The following SHD variants were observed in gnomAD, a reference collection of about 807,000 sequenced individuals.
SHD encodes Src homology 2 domain containing transforming protein D.
SHD carries 29 observed loss-of-function variants against 31.2 expected under a neutral mutation model. The ratio of observed to expected loss-of-function variants is 0.93; its 90% CI spans 0.69 to 1.27. The LOEUF is 1.27. SHD is among the 50% of genes most tolerant of loss of function. SHD has a pLI of 0.00. For missense variants in SHD, 520 were observed against 453.8 expected, an observed-to-expected ratio of 1.15 and a Z score of -1.33; for synonymous variants, 208 against 187.8, an observed-to-expected ratio of 1.11 and a Z score of -0.88.
At chr19:4,282,059 C>A (rs1395255628) in intron 1 of SHD, among the ~76,000 whole-genome samples, 4 of 152,120 alleles carry the variant, frequency 2.6e-5, no homozygotes, top group Non-Finnish European at 4.4e-5. Flanking sequence ...CAGAGGGAGA[C>A]GTGGGAAGCC....
At position 4,284,894 on chromosome 19, in the gene SHD, G is replaced by A; in HGVS notation, c.706G>A (p.Glu236Lys). The change falls in exon 4 of 6, where the codon GAG becomes AAG. Residue 236 changes from glutamate (E) to lysine (K), a missense_variant. By Grantham distance (56) the Glu-to-Lys change is moderately conservative (BLOSUM62 1). Coordinates refer to ENST00000543264, the MANE Select transcript of SHD (RefSeq NM_020209.4). Reference sequence around the variant, plus strand: ...GCGTGTGGACCCAGCCCTGCCCCTGGAGAAACAGCCGTGAGTGGGGAAGCT... The same window carrying A: ...GCGTGTGGACCCAGCCCTGCCCCTGAAGAAACAGCCGTGAGTGGGGAAGCT... ...AERVDPALPL[E>K]KQPWFHGPLN... The A allele has an allele frequency of 1.9e-6, 3 of 1,598,434 alleles. No homozygotes were observed. The highest frequency in any genetic ancestry group is 2.6e-6 in the Non-Finnish European group (3 of 1,170,828).
chr19:4,289,141 A>T (rs1212722972), intron 5 of SHD, among the ~76,000 whole-genome samples: 2 of 113,812 alleles, frequency 1.8e-5, no homozygotes, highest in Admixed American at 1.3e-4. Context: ...GACGGAGTCT[A>T]GCTCTGTCAC....
At chr19:4,287,059 C>A (rs527695416) in intron 4 of SHD, among the ~76,000 whole-genome samples, 1 of 151,518 alleles carries the variant, frequency 6.6e-6, no homozygotes, top group Non-Finnish European at 1.5e-5. Context: ...GGCAGCCGGG[C>A]GCAGTGGCTC....
At chr19:4,289,955 A>G (rs1000823890) in intron 5 of SHD, among the ~76,000 whole-genome samples, 1 of 151,554 alleles carries the variant, frequency 6.6e-6, no homozygotes, top group African/African-American at 2.4e-5. Flanking sequence ...AGCTCACTGC[A>G]GCCTCTGCCT....
intron 4 of SHD, among the ~76,000 whole-genome samples, chr19:4,285,584 G>C (rs1478318330): frequency 6.6e-6 from 1 of 150,458 alleles, no homozygotes; most frequent in Non-Finnish European, 1.5e-5. Context: ...GAGTCTTGCT[G>C]TGTCGCCCAG....
intron 4 of SHD, among the ~76,000 whole-genome samples, chr19:4,287,886 GTTTT>G (rs1163846348): frequency 2.5e-5 from 3 of 121,562 alleles, no homozygotes; most frequent in African/African-American, 7.3e-5. Flanking sequence ...CCCAGAGTGT[GTTTT>G]TTTGTTTGTT....
Position 4,289,807 on chromosome 19 carries a change from G to A in SHD, c.837-640G>A, listed in dbSNP as rs545226209. ...AGGATGGTCTCCATCTCCTGACCTCGTGATCCGCCTGCCTTGGCCTCCCAA... is the reference window on the plus strand; with the variant it reads ...AGGATGGTCTCCATCTCCTGACCTCATGATCCGCCTGCCTTGGCCTCCCAA... On this transcript the variant is annotated intron_variant, in intron 5 of 5. Coordinates refer to ENST00000543264, the MANE Select transcript of SHD (RefSeq NM_020209.4). Among the ~76,000 whole-genome samples, 438 of 151,646 alleles carry A rather than the reference G, an allele frequency of 2.9e-3. 2 individuals are homozygous for A. The highest frequency in any genetic ancestry group is 3.7e-3 in the Non-Finnish European group (249 of 67,902).
At chr19:4,282,571 C>T (rs1971266838) in intron 1 of SHD, among the ~76,000 whole-genome samples, 2 of 151,942 alleles carry the variant, frequency 1.3e-5, no homozygotes, top group Admixed American at 1.3e-4. Context: ...AAAAAGTTAG[C>T]CAGGCATGGT....
chr19:4,280,136 T>G lies in SHD; in HGVS notation c.73T>G (p.Tyr25Asp). ...RPPPQPPTPD[Y>D]TESDILRAYR... is the part of the protein sequence containing the mutation. ...CCCTCCGCAGCCGCCCACCCCGGAC[T>G]ACACCGAGAGCGACATCCTGAGGGC... The change falls in exon 1 of 6, where the codon TAC becomes GAC. Residue 25 changes from tyrosine (Y) to aspartate (D), a missense_variant. Transcript: ENST00000543264. 5 of 1,613,590 alleles carry G rather than the reference T, an allele frequency of 3.1e-6. No individual in the cohort carries two copies. Among genetic ancestry groups the G allele is most frequent in the Middle Eastern group, 1.6e-4 (1 of 6,062 alleles).
chr19:4,286,386 G>C (rs1409571252), intron 4 of SHD, among the ~76,000 whole-genome samples: 1 of 146,642 alleles, frequency 6.8e-6, no homozygotes, highest in Non-Finnish European at 1.5e-5. Context: ...TCACTCTGTT[G>C]CCCAGGCTGA....
intron 5 of SHD, among the ~76,000 whole-genome samples, chr19:4,289,737 A>AT (rs1971357218): frequency 6.9e-6 from 1 of 145,852 alleles, no homozygotes; most frequent in Admixed American, 6.9e-5. Context: ...CACCCAGCTA[A>AT]TTTTTTGTAT....
At chr19:4,287,381 G>A (rs1167058989) in intron 4 of SHD, among the ~76,000 whole-genome samples, 3 of 151,952 alleles carry the variant, frequency 2.0e-5, no homozygotes, top group Non-Finnish European at 4.4e-5. Context: ...GGTGGGTGAG[G>A]TACAAGATGA....
At chr19:4,282,557 C>T (rs890833337) in intron 1 of SHD, among the ~76,000 whole-genome samples, 3 of 151,738 alleles carry the variant, frequency 2.0e-5, no homozygotes, top group African/African-American at 7.3e-5. Flanking sequence ...AACCCCATCT[C>T]TACAAAAAGT....
chr19:4,283,566 A>AT (rs1971278744), intron 3 of SHD, among the ~76,000 whole-genome samples: 3 of 126,796 alleles, frequency 2.4e-5, no homozygotes, highest in African/African-American at 1.3e-4. Context: ...ATTTTATTTT[A>AT]TTTTATTTTA....
chr19:4,286,279 CTTTT>C (rs71340905), intron 4 of SHD, among the ~76,000 whole-genome samples: 1,933 of 115,650 alleles, frequency 0.017, 32 homozygotes, highest in Admixed American at 0.029. Flanking sequence ...TTCTTTCTTT[CTTTT>C]TTTCTTTCCT....
intron 4 of SHD, 54 bp from the exon 5 acceptor site, chr19:4,288,189 A>C: frequency 1.3e-6 from 2 of 1,576,758 alleles, no homozygotes; most frequent in Non-Finnish European, 1.7e-6. Flanking sequence ...ACAGGGCCCC[A>C]GAGTGTGTTT....
At chr19:4,290,127 C>A (rs553512817) in intron 5 of SHD, among the ~76,000 whole-genome samples, 1 of 146,858 alleles carries the variant, frequency 6.8e-6, no homozygotes, top group East Asian at 2.1e-4. Context: ...CTGCCTGACT[C>A]GGCCTCCCAA....
At chr19:4,288,431 GAGGGA>G in intron 5 of SHD, 69 bp downstream of exon 5, 1 of 1,497,140 alleles carries the variant, frequency 6.7e-7, no homozygotes, top group South Asian at 1.3e-5. Flanking sequence ...GGTTAATTCA[GAGGGA>G]AGGGGAGGGT....
Position 4,280,039 on chromosome 19 carries a change from C to A in SHD, c.-25C>A. 1 of 1,568,590 alleles carries A rather than the reference C, an allele frequency of 6.4e-7. No individual in the cohort carries two copies. Among genetic ancestry groups the A allele is most frequent in the Non-Finnish European group, 8.6e-7 (1 of 1,159,126 alleles). ...CATGTGGGGGCCCCTCTGACAGTGG[C>A]CCGATTGGGGTGACAGGCGCCCAAA... is the stretch of plus-strand genomic sequence containing the variant. On this transcript the variant is annotated 5_prime_UTR_variant, in exon 1 of 6. Coordinates refer to ENST00000543264, the MANE Select transcript of SHD (RefSeq NM_020209.4).
Sources: allele counts gnomAD v4.1 joint callset (sites outside exome capture counted in the v4.1 genomes callset), GRCh38; gene constraint gnomAD v4.1.1; transcripts MANE v1.5; gene names NCBI Gene and HGNC (gene_info 2026-07-23, HGNC 2026-07-21).